The following DPYSL5 variants were observed in gnomAD, a reference collection of about 807,000 sequenced individuals.
The protein encoded by DPYSL5 is dihydropyrimidinase-related protein 5.
DPYSL5 carries 9 observed loss-of-function variants against 58.4 expected under a neutral mutation model. That is an observed-to-expected ratio of 0.15 (90% CI 0.09 to 0.27). The LOEUF is 0.27. Ranked by LOEUF, DPYSL5 falls within the 10% of genes least tolerant of loss-of-function variation. DPYSL5 has a pLI of 1.00. For synonymous variants in DPYSL5, 293 were observed against 301.9 expected, an observed-to-expected ratio of 0.97 and a Z score of 0.31; for missense variants, 499 against 770.6, an observed-to-expected ratio of 0.65 and a Z score of 4.17.
At chr2:26,883,580 G>T (rs1465212690) in intron 1 of DPYSL5, among the ~76,000 whole-genome samples, 2 of 152,062 alleles carry the variant, frequency 1.3e-5, no homozygotes, top group East Asian at 3.9e-4. Flanking sequence ...TGTATTTTTA[G>T]TAGAGATGGG....
rs535461521 is a variant in DPYSL5, at chr2:26,887,170, A to T, written c.-4-11326A>T. On this transcript the variant is annotated intron_variant, in intron 1 of 12. Transcript: ENST00000288699. ...TATCACAGTGACCAGTTATCTGTAA[A>T]ATCATACGTTTTTCTGTGGATTCTA... Among the ~76,000 whole-genome samples, 7 of 152,364 alleles carry T rather than the reference A, an allele frequency of 4.6e-5. No individual in the cohort carries two copies. The East Asian group carries it at 1.4e-3, about 29-fold the overall frequency.
In DPYSL5 at chr2:26,890,805, G is replaced by A. The variant is rs542177177; in HGVS notation, c.-4-7691G>A. On this transcript the variant is annotated intron_variant, in intron 1 of 12. Transcript: ENST00000288699. ...GGTTGTGGTGAGCTCTCTCCTCCCGGCTGGTCAATAGCTGCCTTCTCACTG... is the reference window on the plus strand; with the variant it reads ...GGTTGTGGTGAGCTCTCTCCTCCCGACTGGTCAATAGCTGCCTTCTCACTG... Among the ~76,000 whole-genome samples the A allele has an allele frequency of 1.4e-4, 21 of 152,276 alleles. No individual in the cohort carries two copies. The East Asian group carries it at 2.5e-3, about 18-fold the overall frequency.
intron 8 of DPYSL5, chr2:26,938,668 G>A (rs1381542284): frequency 6.6e-6 from 1 of 152,302 alleles, no homozygotes; most frequent in Non-Finnish European, 1.5e-5. Context: ...AGAGCCTTAA[G>A]AATATGCTTC....
At chr2:26,914,439 C>T (rs12612520) in intron 2 of DPYSL5, among the ~76,000 whole-genome samples, 58,120 of 152,068 alleles carry the variant, frequency 0.38, 11,518 homozygotes, top group Admixed American at 0.54. Flanking sequence ...CTAGTCTTTC[C>T]AGGCATTGCT....
intron 12 of DPYSL5, among the ~76,000 whole-genome samples, chr2:26,946,328 A>G (rs1665482971): frequency 1.3e-5 from 2 of 151,976 alleles, no homozygotes; most frequent in African/African-American, 4.8e-5. Context: ...TGTCTGTTCT[A>G]AGCAGGCCAG....
Position 26,898,510 on chromosome 2 carries a change from A to G in DPYSL5, c.11A>G (p.Asn4Ser), listed in dbSNP as rs773093978. The G allele has an allele frequency of 1.2e-6, 2 of 1,613,874 alleles. No homozygotes were observed. The highest frequency in any genetic ancestry group is 3.3e-5 in the Admixed American group (2 of 60,008). Residue 4 changes from asparagine (N) to serine (S), a missense_variant, in exon 2 of 13, where the codon AAC (asparagine) becomes AGC (serine). Coordinates refer to ENST00000288699, the MANE Select transcript of DPYSL5 (RefSeq NM_020134.4). This position sits in a 1 kb window ranked among gnomAD's most constrained non-coding sequence, Gnocchi z 6.1. MLA[N>S]SASVRILIKG... ...CCTTCTTGTAGGAACATGCTTGCCA[A>G]CTCAGCCAGCGTGAGGATCCTCATC... is the stretch of plus-strand genomic sequence containing the variant.
At chr2:26,920,686 A>G (rs1383861760) in intron 2 of DPYSL5, among the ~76,000 whole-genome samples, 1 of 152,140 alleles carries the variant, frequency 6.6e-6, no homozygotes, top group Non-Finnish European at 1.5e-5. Flanking sequence ...AATCACTTGA[A>G]CTCGGGAGGC....
chr2:26,899,433 A>C (rs1343010003), intron 2 of DPYSL5, among the ~76,000 whole-genome samples: 1 of 152,034 alleles, frequency 6.6e-6, no homozygotes, highest in Non-Finnish European at 1.5e-5. Flanking sequence ...GTGCTCCAAC[A>C]CCTCTGTCAT....
intron 1 of DPYSL5, among the ~76,000 whole-genome samples, chr2:26,873,920 T>C (rs925869220): frequency 2.0e-5 from 3 of 152,208 alleles, no homozygotes; most frequent in Non-Finnish European, 4.4e-5. Flanking sequence ...CCCAGACAAA[T>C]TGACACATAA....
intron 6 of DPYSL5, among the ~76,000 whole-genome samples, chr2:26,932,293 A>G (rs1665054876): frequency 6.6e-6 from 1 of 152,212 alleles, no homozygotes; most frequent in African/African-American, 2.4e-5. Context: ...TGTCTTGCCC[A>G]CAGGAACCCA....
intron 2 of DPYSL5, among the ~76,000 whole-genome samples, chr2:26,917,681 C>G (rs555005354): frequency 6.6e-6 from 1 of 152,200 alleles, no homozygotes; most frequent in African/African-American, 2.4e-5. Context: ...ACAATGAAGC[C>G]CAGTGTAAGG....
intron 1 of DPYSL5, among the ~76,000 whole-genome samples, chr2:26,858,431 A>G (rs1433088892): frequency 2.0e-5 from 3 of 152,162 alleles, no homozygotes; most frequent in Non-Finnish European, 1.5e-5. Context: ...TCGGCCTCCC[A>G]AAGTGCTGGG....
chr2:26,888,265 C>CTTTCTTTG (rs1169333315), intron 1 of DPYSL5, among the ~76,000 whole-genome samples: 28 of 115,814 alleles, frequency 2.4e-4, no homozygotes, highest in African/African-American at 8.2e-4. Flanking sequence ...TTCTTTCTTT[C>CTTTCTTTG]TGTCTTTCTT....
At position 26,937,413 on chromosome 2, in the gene DPYSL5, TATG is replaced by T. The variant is rs539163398; in HGVS notation, c.948-2613_948-2611del. Among the ~76,000 whole-genome samples, 460 of 152,232 alleles carry T rather than the reference TATG, an allele frequency of 3.0e-3. 1 individual carries two copies. The highest frequency in any genetic ancestry group is 5.0e-3 in the Non-Finnish European group (339 of 68,028). ...TAATATTTTAATATTTATAGAAATTTATGATGACTATAATTTTGCTTTTGTAAC... is the reference window on the plus strand; with the variant it reads ...TAATATTTTAATATTTATAGAAATTTATGACTATAATTTTGCTTTTGTAAC... On this transcript the variant is annotated intron_variant, in intron 8 of 12. Transcript: ENST00000288699.
chr2:26,903,622 T>G (rs1289912505), intron 2 of DPYSL5, among the ~76,000 whole-genome samples: 2 of 152,076 alleles, frequency 1.3e-5, no homozygotes, highest in African/African-American at 4.8e-5. Context: ...ACCCTCACCT[T>G]GTGAGCCAGG....
intron 1 of DPYSL5, among the ~76,000 whole-genome samples, chr2:26,853,330 G>A (rs1665800622): frequency 6.6e-6 from 1 of 152,100 alleles, no homozygotes; most frequent in Admixed American, 6.6e-5. Context: ...GAAAACTCAG[G>A]TTTTCCAGCT....
At chr2:26,887,126 C>T (rs1663738842) in intron 1 of DPYSL5, among the ~76,000 whole-genome samples, 1 of 152,188 alleles carries the variant, frequency 6.6e-6, no homozygotes, top group African/African-American at 2.4e-5. Flanking sequence ...TTTGATATAA[C>T]AGTCTTGTGT....
intron 1 of DPYSL5, among the ~76,000 whole-genome samples, chr2:26,887,888 A>G (rs1163553688): frequency 6.6e-6 from 1 of 152,242 alleles, no homozygotes; most frequent in East Asian, 1.9e-4. Flanking sequence ...CCACAGGATC[A>G]GAATCCTCTT....
In DPYSL5 at chr2:26,932,022, A is replaced by G. The variant is rs573919232; in HGVS notation, c.714+338A>G. Among the ~76,000 whole-genome samples, 35 of 134,194 alleles carry G rather than the reference A, an allele frequency of 2.6e-4. 1 individual carries two copies. The highest frequency in any genetic ancestry group is 3.6e-3 in the Middle Eastern group (1 of 278). 88.0% of individuals were successfully genotyped at this position (134,194 alleles called of 152,430 possible). On this transcript the variant is annotated intron_variant, in intron 6 of 12. Coordinates refer to ENST00000288699, the MANE Select transcript of DPYSL5 (RefSeq NM_020134.4). ...AGACTCTGTCAAAAAAAAAAAAAAA[A>G]AAAGAAAGAAAAGAAAAGAAAGAAA...
Sources: allele counts gnomAD v4.1 joint callset (sites outside exome capture counted in the v4.1 genomes callset), GRCh38; gene constraint gnomAD v4.1.1; non-coding constraint Gnocchi (gnomAD v3.1); transcripts MANE v1.5; gene names NCBI Gene and HGNC (gene_info 2026-07-23, HGNC 2026-07-21).